The following CACNB4 variants were observed in gnomAD, a reference collection of about 807,000 sequenced individuals.
CACNB4 encodes the protein voltage-dependent L-type calcium channel subunit beta-4.
CACNB4 carries 32 observed loss-of-function variants against 71.2 expected under a neutral mutation model. The ratio of observed to expected loss-of-function variants is 0.45; its 90% CI spans 0.34 to 0.60. The LOEUF is 0.60. CACNB4 is among the 20% of genes least tolerant of loss of function. CACNB4 has a pLI of 0.01. For missense variants in CACNB4, 464 were observed against 647.9 expected, an observed-to-expected ratio of 0.72 and a Z score of 3.08; for synonymous variants, 231 against 236.9, an observed-to-expected ratio of 0.97 and a Z score of 0.23.
chr2:151,986,468 C>G (rs1388837075), intron 2 of CACNB4, among the ~76,000 whole-genome samples: 1 of 152,124 alleles, frequency 6.6e-6, no homozygotes, highest in Non-Finnish European at 1.5e-5. Flanking sequence ...TCAGCTAACC[C>G]TTCAACCCAC....
intron 2 of CACNB4, among the ~76,000 whole-genome samples, chr2:151,917,390 C>T (rs1253552785): frequency 1.3e-5 from 2 of 152,260 alleles, no homozygotes; most frequent in African/African-American, 2.4e-5. Context: ...AAGGTGAGCT[C>T]GGGTCTAGAC....
chr2:151,988,237 C>A (rs894947488), intron 2 of CACNB4, among the ~76,000 whole-genome samples: 1 of 152,062 alleles, frequency 6.6e-6, no homozygotes, highest in Non-Finnish European at 1.5e-5. Flanking sequence ...GTCTCCCTAC[C>A]CAAGGACGTG....
At chr2:152,032,935 T>C (rs1212536699) in intron 2 of CACNB4, among the ~76,000 whole-genome samples, 2 of 150,110 alleles carry the variant, frequency 1.3e-5, no homozygotes, top group Admixed American at 6.7e-5. Flanking sequence ...GCCCGGGCAA[T>C]AGAGCAAGAC....
At chr2:151,895,096 C>CCCCCCACA (rs762464510) in intron 2 of CACNB4, among the ~76,000 whole-genome samples, 299 of 22,336 alleles carry the variant, frequency 0.013, 15 homozygotes, top group Admixed American at 0.019. Context: ...TCAAATAGCC[C>CCCCCCACA]CACACACACA....
chr2:151,849,127 T>G (rs749709110), intron 12 of CACNB4, among the ~76,000 whole-genome samples: 13 of 152,206 alleles, frequency 8.5e-5, no homozygotes, highest in Admixed American at 6.5e-5. Flanking sequence ...TCTTCCAAAG[T>G]AGAACTATCC....
At position 152,028,096 on chromosome 2, in the gene CACNB4, G is replaced by T. The variant is rs2709762; in HGVS notation, c.147+70234C>A. Among the ~76,000 whole-genome samples the T allele has an allele frequency of 2.9e-3, 442 of 152,246 alleles. 2 individuals carry two copies. Among genetic ancestry groups the T allele is most frequent in the African/African-American group, 9.8e-3 (407 of 41,540 alleles). On this transcript the variant is annotated intron_variant, in intron 2 of 13. Coordinates refer to ENST00000539935, the MANE Select transcript of CACNB4 (RefSeq NM_000726.5). Reference sequence around the variant, plus strand: ...GGCAATCACAAGACAAGGATCGCCTGAGCAGAAACCTAATCAAATGAGGGG... The same window carrying T: ...GGCAATCACAAGACAAGGATCGCCTTAGCAGAAACCTAATCAAATGAGGGG...
At chr2:151,860,610 T>C (rs891628014) in intron 10 of CACNB4, 101 bp downstream of exon 10, 31 of 829,612 alleles carry the variant, frequency 3.7e-5, no homozygotes, top group Non-Finnish European at 5.9e-5. Flanking sequence ...GCTCCCCCGT[T>C]CAGAATGGGG....
intron 2 of CACNB4, among the ~76,000 whole-genome samples, chr2:151,998,315 CAAA>C (rs70974815): frequency 9.0e-5 from 10 of 110,704 alleles, no homozygotes; most frequent in African/African-American, 4.0e-4. Flanking sequence ...ACTCCATCTC[CAAA>C]AAAAAAAAAA....
At chr2:151,984,925 A>G (rs543803595) in intron 2 of CACNB4, among the ~76,000 whole-genome samples, 64 of 152,124 alleles carry the variant, frequency 4.2e-4, no homozygotes, top group Admixed American at 9.8e-4. Flanking sequence ...CTGGAAAACA[A>G]CTTAAGCATT....
intron 4 of CACNB4, among the ~76,000 whole-genome samples, chr2:151,877,711 A>G (rs888132789): frequency 6.6e-5 from 10 of 152,182 alleles, no homozygotes; most frequent in African/African-American, 2.4e-4. Context: ...GTCTGAGCGT[A>G]TTATATATTT....
chr2:152,020,272 G>A (rs920200319), intron 2 of CACNB4, among the ~76,000 whole-genome samples: 4 of 152,230 alleles, frequency 2.6e-5, no homozygotes, highest in African/African-American at 9.6e-5. Flanking sequence ...GTTTTGATGG[G>A]ATCAAGATGG....
At chr2:151,856,144 C>G (rs7568764) in intron 10 of CACNB4, among the ~76,000 whole-genome samples, 156 of 145,322 alleles carry the variant, frequency 1.1e-3, no homozygotes, top group African/African-American at 3.9e-3. Flanking sequence ...ATGTCTGAAG[C>G]AATCCAGTTT....
At chr2:151,980,505 T>C (rs1181429593) in intron 2 of CACNB4, among the ~76,000 whole-genome samples, 4 of 152,348 alleles carry the variant, frequency 2.6e-5, no homozygotes, top group African/African-American at 7.2e-5. Context: ...CTTTTAAATG[T>C]GAGTTCTGTG....
At chr2:152,056,739 C>T (rs1040231241) in intron 2 of CACNB4, among the ~76,000 whole-genome samples, 1 of 152,202 alleles carries the variant, frequency 6.6e-6, no homozygotes, top group African/African-American at 2.4e-5. Context: ...CACAACTCCA[C>T]ATCCTGTGGA....
intron 2 of CACNB4, among the ~76,000 whole-genome samples, chr2:151,903,566 A>T (rs1411640212): frequency 6.6e-6 from 1 of 152,174 alleles, no homozygotes; most frequent in African/African-American, 2.4e-5. Flanking sequence ...CGGGAATGAC[A>T]CTATTAAAGT....
chr2:152,001,054 C>A (rs1181429552), intron 2 of CACNB4, among the ~76,000 whole-genome samples: 1 of 152,238 alleles, frequency 6.6e-6, no homozygotes, highest in African/African-American at 2.4e-5. Context: ...CTCACCGAAT[C>A]TTTTCAACAA....
intron 2 of CACNB4, chr2:152,048,409 T>C (rs1017399143): frequency 6.6e-6 from 1 of 152,250 alleles, no homozygotes; most frequent in African/African-American, 2.4e-5. Flanking sequence ...GAAGGGGCCA[T>C]CAGCAGACGG....
At chr2:152,097,218 T>A (rs948533233) in intron 2 of CACNB4, among the ~76,000 whole-genome samples, 3 of 152,184 alleles carry the variant, frequency 2.0e-5, no homozygotes, top group African/African-American at 7.2e-5. Flanking sequence ...ATAGACCCTT[T>A]TAGGAGAGGT....
At chr2:152,003,964 C>T (rs1360546256) in intron 2 of CACNB4, among the ~76,000 whole-genome samples, 2 of 152,136 alleles carry the variant, frequency 1.3e-5, no homozygotes, top group Non-Finnish European at 2.9e-5. Flanking sequence ...CTCACCTCTG[C>T]CTCCCAAGTA....
Sources: gnomAD v4.1 joint callset for allele counts (sites outside exome capture counted in the v4.1 genomes callset) on GRCh38, gnomAD v4.1.1 for gene constraint, MANE v1.5 for transcripts, NCBI Gene and HGNC (gene_info 2026-07-23, HGNC 2026-07-21) for gene names.